The following OPTN variants were observed in gnomAD, a reference collection of about 807,000 sequenced individuals.
OPTN encodes the protein E3-14.7K-interacting protein.
In OPTN, 54 loss-of-function variants were observed where a neutral mutation model predicts 70.4. The observed-to-expected ratio is 0.77, with a 90% CI of 0.62 to 0.96. OPTN has a LOEUF of 0.96. Among genes scored for constraint, OPTN ranks in the 40% least tolerant of loss-of-function variants. The pLI, the probability that OPTN is intolerant of heterozygous loss-of-function variation, is 0.00. For missense variants in OPTN, 624 were observed against 673.2 expected (o/e 0.93, Z 0.81); for synonymous variants, 256 against 248.5 (o/e 1.03, Z -0.28).
chr10:13,112,636 G>A lies in OPTN; in HGVS notation c.552+1G>A. The stretch of plus-strand genomic sequence containing the variant: ...TTCCTTTGTTGAAATTAGGATGGCT[G>A]TGAGTTTTTGGTTTTATTTTTGTTT... On this transcript the variant is annotated splice_donor_variant, in intron 5 of 14. Coordinates refer to ENST00000378747, the MANE Select transcript of OPTN (RefSeq NM_001008212.2). LOFTEE classifies it high-confidence loss of function. 1 of 1,614,098 alleles carries A rather than the reference G, an allele frequency of 6.2e-7. No homozygotes were observed. Among genetic ancestry groups the A allele is most frequent in the Non-Finnish European group, 8.5e-7 (1 of 1,179,980 alleles).
At chr10:13,127,600 TC>T (rs1276682649) in intron 11 of OPTN, 144 bp from the exon 12 acceptor site, 6 of 847,350 alleles carry the variant, frequency 7.1e-6, no homozygotes, top group Non-Finnish European at 1.1e-5. Context: ...CAAACGATCC[TC>T]CCACCTCAGC....
Position 13,110,369 on chromosome 10 carries a change from A to G in OPTN, c.262A>G (p.Ile88Val), listed in dbSNP as rs1313983864. 1 of 1,614,168 alleles carries G rather than the reference A, an allele frequency of 6.2e-7. No homozygotes were observed. The highest frequency in any genetic ancestry group is 8.5e-7 in the Non-Finnish European group (1 of 1,180,030). ...KQKEERQFFE[I>V]QSKEAKERLM... ...GAAGGAAGAACGCCAGTTTTTTGAG[A>G]TACAGAGCAAAGAAGCAAAAGAGCG... is the stretch of plus-strand genomic sequence containing the variant. Residue 88 changes from isoleucine to valine, a missense_variant, in exon 4 of 15, where the codon ATA becomes GTA. Ile to Val is a conservative substitution (Grantham distance 29). Transcript: ENST00000378747.
At chr10:13,110,123 TC>T (rs1429871484) in intron 3 of OPTN, 150 bp from the exon 4 acceptor site, 52 of 1,414,926 alleles carry the variant, frequency 3.7e-5, no homozygotes, top group Admixed American at 9.9e-5. Context: ...AAAAACCACT[TC>T]GTCTTTTTGC....
In OPTN at chr10:13,116,890, G is replaced by A. The variant is rs530255239; in HGVS notation, c.626+550G>A. Among the ~76,000 whole-genome samples the A allele has an allele frequency of 2.3e-3, 346 of 152,184 alleles. 2 individuals carry two copies. The highest frequency in any genetic ancestry group is 2.1e-3 in the Non-Finnish European group (143 of 68,016). ...AAGTGTACCTGTCCTATGTAGATGT[G>A]AGGAAACAGACATCTTAAATAGTGG... On this transcript the variant is annotated intron_variant, in intron 6 of 14. Coordinates refer to ENST00000378747, the MANE Select transcript of OPTN (RefSeq NM_001008212.2).
intron 8 of OPTN, among the ~76,000 whole-genome samples, chr10:13,123,569 C>T (rs1300390573): frequency 2.0e-5 from 3 of 152,138 alleles, no homozygotes; most frequent in African/African-American, 7.2e-5. Context: ...AATTATAGAG[C>T]TGCCAGGAAA....
chr10:13,121,843 G>A (rs34275587), intron 7 of OPTN, among the ~76,000 whole-genome samples: 40,558 of 151,984 alleles, frequency 0.27, 5,581 homozygotes, highest in Admixed American at 0.38. Context: ...AGTTTGGGCT[G>A]GGAAAAAAAT....
chr10:13,103,747 C>CACAG (rs142934673), intron 1 of OPTN, among the ~76,000 whole-genome samples: 107,847 of 149,984 alleles, frequency 0.72, 41,340 homozygotes, highest in Non-Finnish European at 0.87. Flanking sequence ...CACATGCACA[C>CACAG]ACACACACAC....
chr10:13,114,269 C>A (rs1408059057), intron 5 of OPTN, among the ~76,000 whole-genome samples: 1 of 152,102 alleles, frequency 6.6e-6, no homozygotes, highest in Non-Finnish European at 1.5e-5. Flanking sequence ...ATAACCCTGC[C>A]ATCCATTCCC....
intron 4 of OPTN, among the ~76,000 whole-genome samples, chr10:13,111,463 T>TG (rs1448790238): frequency 3.9e-5 from 6 of 152,078 alleles, no homozygotes; most frequent in Non-Finnish European, 8.8e-5. Flanking sequence ...TTTGGGAGGC[T>TG]AGGGTGGGCA....
chr10:13,107,041 T>C (rs1186738266), intron 1 of OPTN, among the ~76,000 whole-genome samples: 1 of 152,202 alleles, frequency 6.6e-6, no homozygotes, highest in African/African-American at 2.4e-5. Flanking sequence ...TAGTGTACAT[T>C]GGTGCTTAAT....
intron 4 of OPTN, among the ~76,000 whole-genome samples, chr10:13,112,004 C>T (rs546390709): frequency 1.8e-4 from 27 of 151,770 alleles, no homozygotes; most frequent in Admixed American, 9.8e-4. Flanking sequence ...CCCGCCACCA[C>T]GCCCAGCTAA....
At chr10:13,130,648 T>G (rs1251291096) in intron 12 of OPTN, among the ~76,000 whole-genome samples, 1 of 152,032 alleles carries the variant, frequency 6.6e-6, no homozygotes, top group Non-Finnish European at 1.5e-5. Flanking sequence ...TAAAATGATC[T>G]CTTTATTACA....
intron 1 of OPTN, among the ~76,000 whole-genome samples, chr10:13,101,442 G>T (rs1012425312): frequency 2.4e-4 from 30 of 124,024 alleles, no homozygotes; most frequent in Middle Eastern, 5.4e-3. Flanking sequence ...TATTCTCGAG[G>T]GCAACTGGAC....
chr10:13,105,511 T>A (rs1010101275), intron 1 of OPTN, among the ~76,000 whole-genome samples: 3 of 152,224 alleles, frequency 2.0e-5, no homozygotes, highest in Non-Finnish European at 2.9e-5. Flanking sequence ...CCTCGTATGC[T>A]TATAAAATCC....
At position 13,130,487 on chromosome 10, in the gene OPTN, A is replaced by G. The variant is rs925980055; in HGVS notation, c.1402-1580A>G. Among the ~76,000 whole-genome samples, 5 of 151,420 alleles carry G rather than the reference A, an allele frequency of 3.3e-5. No homozygotes were observed. In the East Asian group the frequency reaches 7.7e-4, roughly 23 times the overall value. ...TGTTCTTACTGCCTGGGATATAGGAATAGACAAAACAAAGACTCTGTTCTT... is the reference window on the plus strand; with the variant it reads ...TGTTCTTACTGCCTGGGATATAGGAGTAGACAAAACAAAGACTCTGTTCTT... On this transcript the variant is annotated intron_variant, in intron 12 of 14. Coordinates refer to ENST00000378747, the MANE Select transcript of OPTN (RefSeq NM_001008212.2).
At chr10:13,103,242 C>A (rs1832788303) in intron 1 of OPTN, among the ~76,000 whole-genome samples, 1 of 152,170 alleles carries the variant, frequency 6.6e-6, no homozygotes. Context: ...ATCTTACCCC[C>A]CTTGTGAACC....
rs181131178 is a variant in OPTN, at chr10:13,125,457, A to T, written c.1038A>T (p.Ser346=). The T allele has an allele frequency of 4.1e-5, 66 of 1,614,180 alleles. 1 individual carries two copies. The South Asian group carries it at 4.7e-4, about 12-fold the overall frequency. ...ALERKNSAIP[S]ELNEKQELVY... is the part of the protein sequence containing the mutation. The stretch of plus-strand genomic sequence containing the variant: ...AAAGGAAAAATTCTGCAATTCCATC[A>T]GAGTTGAATGAAAAGCAAGAGCTTG... The change falls in exon 10 of 15, where the codon TCA becomes TCT. Residue 346 remains serine (S), a synonymous_variant. Coordinates refer to ENST00000378747, the MANE Select transcript of OPTN (RefSeq NM_001008212.2).
At position 13,125,425 on chromosome 10, in the gene OPTN, G is replaced by T. The variant is rs1248850820; in HGVS notation, c.1006G>T (p.Ala336Ser). Residue 336 changes from alanine (A) to serine (S), a missense_variant, in exon 10 of 15, where the codon GCC (alanine) becomes TCC (serine). By Grantham distance (99) the Ala-to-Ser change is moderately conservative. Coordinates refer to ENST00000378747, the MANE Select transcript of OPTN (RefSeq NM_001008212.2). ...AATCTTGACCTTTCTTAGGTGTCAG[G>T]CCCTTGAAAGGAAAAATTCTGCAAT... is the stretch of plus-strand genomic sequence containing the variant. ...MKKRLQEKCQ[A>S]LERKNSAIPS... 3 of 1,614,086 alleles carry T rather than the reference G, an allele frequency of 1.9e-6. No individual in the cohort carries two copies. In the Admixed American group the frequency reaches 5.0e-5, roughly 27 times the overall value.
rs1035520441 is a variant in OPTN, at chr10:13,116,544, T to G, written c.626+204T>G. The stretch of plus-strand genomic sequence containing the variant: ...AGATTAAAAACTGTTTGGTTCCTGT[T>G]TGGCTCACACTGACTGCTCTGTTCT... On this transcript the variant is annotated intron_variant, in intron 6 of 14. Transcript: ENST00000378747. The G allele has an allele frequency of 1.4e-5, 9 of 631,566 alleles. No individual in the cohort carries two copies. The African/African-American group carries it at 1.6e-4, about 11-fold the overall frequency. 39.1% of individuals were successfully genotyped at this position (631,566 alleles called of 1,614,324 possible).
Sources: allele counts gnomAD v4.1 joint callset (sites outside exome capture counted in the v4.1 genomes callset), GRCh38; gene constraint gnomAD v4.1.1; transcripts MANE v1.5; gene names NCBI Gene and HGNC (gene_info 2026-07-23, HGNC 2026-07-21).